RABGAP1L: variants seen among roughly 807,000 people sequenced by gnomAD.
RABGAP1L encodes RAB GTPase activating protein 1 like.
In RABGAP1L, 63 loss-of-function variants were observed where a neutral mutation model predicts 137.7. The observed-to-expected ratio is 0.46, with a 90% CI of 0.37 to 0.56. The LOEUF (loss-of-function observed/expected upper bound fraction) is 0.56. Among genes scored for constraint, RABGAP1L ranks in the 20% least tolerant of loss-of-function variants. RABGAP1L has a pLI of 0.00. For missense variants in RABGAP1L, 1,095 were observed against 1,244.0 expected (o/e 0.88, Z 1.80); for synonymous variants, 431 against 433.7 (o/e 0.99, Z 0.08).
At chr1:174,227,281 A>G (rs1041058872) in intron 3 of RABGAP1L, among the ~76,000 whole-genome samples, 2 of 149,276 alleles carry the variant, frequency 1.3e-5, no homozygotes, top group African/African-American at 4.9e-5. Flanking sequence ...GCTCACTGCA[A>G]CCTCCACCTC....
At chr1:174,542,547 C>T (rs1665564552) in intron 13 of RABGAP1L, among the ~76,000 whole-genome samples, 1 of 152,072 alleles carries the variant, frequency 6.6e-6, no homozygotes, top group Non-Finnish European at 1.5e-5. Context: ...AAAACCAGCT[C>T]CTGGATTCAT....
At chr1:174,781,318 C>T (rs1686986955) in intron 18 of RABGAP1L, among the ~76,000 whole-genome samples, 1 of 152,148 alleles carries the variant, frequency 6.6e-6, no homozygotes, top group Admixed American at 6.5e-5. Flanking sequence ...CTCTGATGGC[C>T]AGTGATGATG....
chr1:174,721,992 C>T (rs954686205), intron 17 of RABGAP1L, among the ~76,000 whole-genome samples: 15 of 151,812 alleles, frequency 9.9e-5, no homozygotes, highest in South Asian at 8.3e-4. Flanking sequence ...AGTGCAATGG[C>T]GCCATCTCAG....
chr1:174,610,454 A>G (rs1004949903), intron 13 of RABGAP1L, among the ~76,000 whole-genome samples: 1 of 151,810 alleles, frequency 6.6e-6, no homozygotes, highest in Non-Finnish European at 1.5e-5. Context: ...CCAGTCTATC[A>G]TTGTTGGACA....
intron 7 of RABGAP1L, among the ~76,000 whole-genome samples, chr1:174,259,589 T>G (rs936125558): frequency 6.6e-6 from 1 of 152,226 alleles, no homozygotes; most frequent in African/African-American, 2.4e-5. Context: ...AATTAATAAC[T>G]GCACATTGCA....
intron 13 of RABGAP1L, among the ~76,000 whole-genome samples, chr1:174,610,457 G>A (rs1249822539): frequency 6.6e-6 from 1 of 151,890 alleles, no homozygotes; most frequent in East Asian, 1.9e-4. Flanking sequence ...GTCTATCATT[G>A]TTGGACATTT....
intron 10 of RABGAP1L, among the ~76,000 whole-genome samples, chr1:174,283,506 T>G (rs1675764669): frequency 6.6e-6 from 1 of 150,548 alleles, no homozygotes; most frequent in African/African-American, 2.4e-5. Context: ...GTTTTTTTTG[T>G]TTGTTTGTTT....
intron 12 of RABGAP1L, among the ~76,000 whole-genome samples, chr1:174,391,326 G>A (rs955861634): frequency 6.6e-6 from 1 of 152,054 alleles, no homozygotes; most frequent in African/African-American, 2.4e-5. Context: ...TTTTTTCAAT[G>A]TTCTTAATTT....
chr1:174,407,140 A>G (rs1483068977), intron 13 of RABGAP1L, among the ~76,000 whole-genome samples: 1 of 152,108 alleles, frequency 6.6e-6, no homozygotes, highest in Non-Finnish European at 1.5e-5. Context: ...TGAGGTGAAA[A>G]AAGGGATAGG....
intron 13 of RABGAP1L, among the ~76,000 whole-genome samples, chr1:174,496,801 T>C (rs7536102): frequency 0.39 from 58,943 of 152,012 alleles, 14,359 homozygotes; most frequent in African/African-American, 0.69. Context: ...GTTGGACTTT[T>C]TATGGAAAGA....
intron 13 of RABGAP1L, among the ~76,000 whole-genome samples, chr1:174,454,627 T>G (rs964674404): frequency 8.6e-5 from 13 of 150,436 alleles, no homozygotes; most frequent in African/African-American, 3.2e-4. Flanking sequence ...CTCTGCTCAC[T>G]GCAAGCTCGC....
intron 7 of RABGAP1L, among the ~76,000 whole-genome samples, chr1:174,271,801 A>C (rs779959544): frequency 3.9e-5 from 6 of 152,072 alleles, no homozygotes; most frequent in African/African-American, 1.2e-4. Flanking sequence ...ACAATATTAA[A>C]TAGTTAACAG....
chr1:174,693,862 C>CTAT (rs1422403895), intron 15 of RABGAP1L, among the ~76,000 whole-genome samples: 1 of 152,082 alleles, frequency 6.6e-6, no homozygotes, highest in African/African-American at 2.4e-5. Context: ...CAAGTAGGTG[C>CTAT]TATTAAGTAC....
In RABGAP1L at chr1:174,451,621, C is replaced by T. The variant is rs920095726; in HGVS notation, c.1710+57476C>T. Among the ~76,000 whole-genome samples the T allele has an allele frequency of 3.9e-5, 6 of 152,344 alleles. No individual in the cohort carries two copies. The East Asian group carries it at 1.2e-3, about 29-fold the overall frequency. On this transcript the variant is annotated intron_variant, in intron 13 of 25. Coordinates refer to ENST00000681986, the MANE Select transcript of RABGAP1L (RefSeq NM_001366446.1). ...AAAGCCTGCCTGCTTCACCGGTAGG[C>T]TGCGCTGCTTTCATTTCAAAAGCCT...
chr1:174,243,170 A>G (rs1671971449), intron 5 of RABGAP1L: 1 of 152,212 alleles, frequency 6.6e-6, no homozygotes, highest in Non-Finnish European at 1.5e-5. Context: ...AGAAGTTTCC[A>G]TAACTAATGG....
At chr1:174,973,672 A>C (rs994315363) in intron 21 of RABGAP1L, among the ~76,000 whole-genome samples, 2 of 152,106 alleles carry the variant, frequency 1.3e-5, no homozygotes, top group Non-Finnish European at 2.9e-5. Flanking sequence ...GGCGTGAGCC[A>C]CCGCGCCTGG....
chr1:174,234,218 C>T (rs1264150694), intron 4 of RABGAP1L, among the ~76,000 whole-genome samples: 3 of 97,574 alleles, frequency 3.1e-5, no homozygotes, highest in Non-Finnish European at 5.6e-5. Context: ...TTGTAGGTTG[C>T]CTGTTCACTC....
intron 13 of RABGAP1L, among the ~76,000 whole-genome samples, chr1:174,506,556 T>C (rs1204648856): frequency 6.6e-6 from 1 of 152,178 alleles, no homozygotes; most frequent in Non-Finnish European, 1.5e-5. Flanking sequence ...CCATTTACAA[T>C]AGCTACAAAA....
At chr1:174,545,918 G>T (rs146249000) in intron 13 of RABGAP1L, 2 of 152,210 alleles carry the variant, frequency 1.3e-5, no homozygotes, top group African/African-American at 2.4e-5. Flanking sequence ...GCAATGTTCT[G>T]TTATTTCTCT....
Sources: gnomAD v4.1 joint callset for allele counts (sites outside exome capture counted in the v4.1 genomes callset) on GRCh38, gnomAD v4.1.1 for gene constraint, MANE v1.5 for transcripts, NCBI Gene and HGNC (gene_info 2026-07-23, HGNC 2026-07-21) for gene names.